ZNF385B: variants seen among roughly 807,000 people sequenced by gnomAD.
ZNF385B encodes zinc finger protein 533.
A neutral mutation model predicts 39.2 loss-of-function variants in ZNF385B; 23 were observed. The observed-to-expected ratio is 0.59, with a 90% CI of 0.42 to 0.83. The LOEUF (loss-of-function observed/expected upper bound fraction) is 0.83. ZNF385B is among the 40% of genes least tolerant of loss of function. The pLI is 0.00. For missense variants in ZNF385B, 552 were observed against 598.9 expected, an observed-to-expected ratio of 0.92 and a Z score of 0.82; for synonymous variants, 205 against 222.6, an observed-to-expected ratio of 0.92 and a Z score of 0.70.
At chr2:179,836,499 G>A (rs1373436308) in intron 1 of ZNF385B, among the ~76,000 whole-genome samples, 1 of 143,686 alleles carries the variant, frequency 7.0e-6, no homozygotes, top group Admixed American at 7.3e-5. Flanking sequence ...TCTGAATCAA[G>A]GTTCTTGCGT....
At chr2:179,845,225 T>A (rs1390775979) in intron 1 of ZNF385B, among the ~76,000 whole-genome samples, 1 of 152,186 alleles carries the variant, frequency 6.6e-6, no homozygotes, top group East Asian at 1.9e-4. Flanking sequence ...TACTTAAATA[T>A]TCAGCCTTTT....
intron 1 of ZNF385B, among the ~76,000 whole-genome samples, chr2:179,785,977 G>A (rs1199513741): frequency 6.6e-6 from 1 of 152,120 alleles, no homozygotes; most frequent in Admixed American, 6.6e-5. Flanking sequence ...GTACATCGAT[G>A]TAGCAAATTT....
chr2:179,783,149 C>T (rs1047609892), intron 1 of ZNF385B, among the ~76,000 whole-genome samples: 3 of 151,992 alleles, frequency 2.0e-5, no homozygotes, highest in African/African-American at 7.2e-5. Flanking sequence ...GACCAATGGA[C>T]CAGAATATAG....
chr2:179,606,639 T>C (rs938060466), intron 3 of ZNF385B, among the ~76,000 whole-genome samples: 1 of 152,194 alleles, frequency 6.6e-6, no homozygotes, highest in African/African-American at 2.4e-5. Flanking sequence ...TTTTCCTTAT[T>C]CTGTTTTTAA....
chr2:179,472,046 T>C (rs1199298274), intron 6 of ZNF385B, among the ~76,000 whole-genome samples: 6 of 152,372 alleles, frequency 3.9e-5, no homozygotes, highest in Non-Finnish European at 7.3e-5. Flanking sequence ...GCTTTGTATT[T>C]AGGATTATTA....
chr2:179,714,510 T>C (rs1056453203), intron 3 of ZNF385B, among the ~76,000 whole-genome samples: 9 of 152,134 alleles, frequency 5.9e-5, no homozygotes, highest in African/African-American at 2.2e-4. Context: ...TGTTGTATTA[T>C]ACAACAATAA....
chr2:179,775,693 G>A (rs1174710850), intron 1 of ZNF385B, among the ~76,000 whole-genome samples: 1 of 152,170 alleles, frequency 6.6e-6, no homozygotes, highest in Non-Finnish European at 1.5e-5. Flanking sequence ...CTCAGCTTTG[G>A]AGGCACACTG....
intron 3 of ZNF385B, among the ~76,000 whole-genome samples, chr2:179,584,645 A>T (rs1234138216): frequency 6.6e-6 from 1 of 152,200 alleles, no homozygotes; most frequent in Non-Finnish European, 1.5e-5. Context: ...GGTAAGTAGG[A>T]AAACCTACAT....
chr2:179,462,353 G>A (rs969746049), intron 6 of ZNF385B, among the ~76,000 whole-genome samples: 1 of 152,138 alleles, frequency 6.6e-6, no homozygotes, highest in African/African-American at 2.4e-5. Flanking sequence ...GCAGTCTTGT[G>A]AGAAATAAAG....
chr2:179,478,672 C>T (rs910525412), intron 6 of ZNF385B, among the ~76,000 whole-genome samples: 5 of 152,192 alleles, frequency 3.3e-5, no homozygotes, highest in African/African-American at 1.2e-4. Flanking sequence ...ATACTTTAAA[C>T]TAGAAATGTC....
chr2:179,740,298 T>C (rs370222490), intron 3 of ZNF385B, among the ~76,000 whole-genome samples: 12 of 152,250 alleles, frequency 7.9e-5, no homozygotes, highest in African/African-American at 2.9e-4. Flanking sequence ...CACATCAAAT[T>C]TGAAATGTGA....
At chr2:179,449,198 C>G (rs2049820448) in intron 6 of ZNF385B, among the ~76,000 whole-genome samples, 1 of 152,056 alleles carries the variant, frequency 6.6e-6, no homozygotes. Context: ...TAATTTACAA[C>G]AGAAACTGGT....
intron 3 of ZNF385B, among the ~76,000 whole-genome samples, chr2:179,726,870 T>C (rs1701055125): frequency 6.6e-6 from 1 of 152,084 alleles, no homozygotes; most frequent in African/African-American, 2.4e-5. Flanking sequence ...ATTTGAAGCA[T>C]GAGATAAAAC....
chr2:179,565,537 C>T (rs1256489250), intron 3 of ZNF385B, among the ~76,000 whole-genome samples: 1 of 152,228 alleles, frequency 6.6e-6, no homozygotes, highest in Non-Finnish European at 1.5e-5. Context: ...CAAATTCTCT[C>T]TCAAGGACAG....
intron 4 of ZNF385B, among the ~76,000 whole-genome samples, chr2:179,540,075 C>T (rs760743467): frequency 6.6e-5 from 10 of 152,182 alleles, no homozygotes; most frequent in Non-Finnish European, 1.2e-4. Flanking sequence ...TGCCAATATT[C>T]ATACACCAGC....
At chr2:179,450,176 C>A (rs1244973951) in intron 6 of ZNF385B, among the ~76,000 whole-genome samples, 1 of 151,856 alleles carries the variant, frequency 6.6e-6, no homozygotes, top group Non-Finnish European at 1.5e-5. Context: ...CAATACCATT[C>A]AGGACATAGG....
At chr2:179,678,909 A>G (rs1697226354) in intron 3 of ZNF385B, among the ~76,000 whole-genome samples, 1 of 152,242 alleles carries the variant, frequency 6.6e-6, no homozygotes, top group Admixed American at 6.5e-5. Context: ...GATGTTGAGC[A>G]TTAACAATAA....
chr2:179,590,327 T>C (rs964863230), intron 3 of ZNF385B, among the ~76,000 whole-genome samples: 2 of 152,208 alleles, frequency 1.3e-5, no homozygotes, highest in Admixed American at 6.5e-5. Flanking sequence ...ATTTGTTTCA[T>C]GGGATTAAAC....
chr2:179,798,509 T>A (rs927386980), intron 1 of ZNF385B, among the ~76,000 whole-genome samples: 1 of 152,172 alleles, frequency 6.6e-6, no homozygotes, highest in African/African-American at 2.4e-5. Context: ...CTCATTCATC[T>A]TCACTGATCT....
Sources: allele counts gnomAD v4.1 joint callset (sites outside exome capture counted in the v4.1 genomes callset), GRCh38; gene constraint gnomAD v4.1.1; transcripts MANE v1.5; gene names NCBI Gene and HGNC (gene_info 2026-07-23, HGNC 2026-07-21).